ZC3H13: variants seen among roughly 807,000 people sequenced by gnomAD.
The protein encoded by ZC3H13 is zinc finger CCCH domain-containing protein 13.
In ZC3H13, 64 loss-of-function variants were observed where a neutral mutation model predicts 204.1. The ratio of observed to expected loss-of-function variants is 0.31; its 90% CI spans 0.26 to 0.39. The LOEUF is 0.39. Among genes scored for constraint, ZC3H13 ranks in the 10% least tolerant of loss-of-function variants. The probability of loss-of-function intolerance (pLI) is 1.00; values close to 1 mark genes in which losing one functional copy is unlikely to be tolerated. For missense variants in ZC3H13, 1,833 were observed against 2,082.7 expected, an observed-to-expected ratio of 0.88 and a Z score of 2.33; for synonymous variants, 667 against 693.7, an observed-to-expected ratio of 0.96 and a Z score of 0.60.
At chr13:46,016,451 T>C (rs979543292) in intron 5 of ZC3H13, among the ~76,000 whole-genome samples, 16 of 152,104 alleles carry the variant, frequency 1.1e-4, no homozygotes, top group African/African-American at 3.9e-4. Context: ...TCTCAGATAA[T>C]ACTGTTAACA....
chr13:46,022,862 T>C (rs2042301533), intron 4 of ZC3H13, among the ~76,000 whole-genome samples: 1 of 151,906 alleles, frequency 6.6e-6, no homozygotes, highest in African/African-American at 2.4e-5. Flanking sequence ...TGTAATTAAA[T>C]TTATTTCAAT....
Position 45,988,875 on chromosome 13 carries a change from T to C in ZC3H13, c.1167A>G (p.Pro389=), listed in dbSNP as rs1477908394. The C allele has an allele frequency of 6.2e-7, 1 of 1,614,092 alleles. No homozygotes were observed. Among genetic ancestry groups the C allele is most frequent in the Non-Finnish European group, 8.5e-7 (1 of 1,180,046 alleles). ...LSSPQRKQSP[P]RHRSPMREKG... Reference sequence around the variant, plus strand: ...TCTCTCGCATTGGAGAGCGATGTCTTGGAGGACTCTGCTTTCTCTGGGGAG... The same window carrying C: ...TCTCTCGCATTGGAGAGCGATGTCTCGGAGGACTCTGCTTTCTCTGGGGAG... Residue 389 remains proline, a synonymous_variant, in exon 9 of 19, where the codon CCA becomes CCG. Coordinates refer to ENST00000679008, the MANE Select transcript of ZC3H13 (RefSeq NM_001330564.2).
At chr13:46,031,840 T>TA (rs1273114865) in intron 4 of ZC3H13, among the ~76,000 whole-genome samples, 3 of 152,214 alleles carry the variant, frequency 2.0e-5, no homozygotes, top group African/African-American at 7.2e-5. Flanking sequence ...TACAAAATGA[T>TA]ACAGTCACTT....
rs758109780 is a variant in ZC3H13, at chr13:45,967,826, G to C, written c.3999C>G (p.Arg1333=). 7.4e-6 allele frequency: 12 copies of C among 1,613,444 alleles called. No homozygotes were observed. In the East Asian group the frequency reaches 2.5e-4, roughly 33 times the overall value. Residue 1333 remains arginine (R), a synonymous_variant, in exon 15 of 19, where the codon CGC becomes CGG. Transcript: ENST00000679008. ...CTCGCAATCTATCTCGATCCCTGTT[G>C]CGTGGCCAATCTTTATCAGCATCTC... ...WDRDADKDWP[R]NRDRDRLRER...
At chr13:46,008,082 A>G (rs969662567) in intron 7 of ZC3H13, among the ~76,000 whole-genome samples, 14 of 152,118 alleles carry the variant, frequency 9.2e-5, no homozygotes, top group Non-Finnish European at 1.8e-4. Flanking sequence ...ATTTGTCAGT[A>G]ATTATATCTT....
In ZC3H13 at chr13:45,968,700, T is replaced by C. The variant is rs767264531; in HGVS notation, c.3796+48A>G. ...CTTTAGAATTAAAATGTGTATAAAATATACTAACCTAGGAAACAGTGACTA... is the reference window on the plus strand; with the variant it reads ...CTTTAGAATTAAAATGTGTATAAAACATACTAACCTAGGAAACAGTGACTA... On this transcript the variant is annotated intron_variant, in intron 14 of 18. Transcript: ENST00000679008. 9 of 1,518,032 alleles carry C rather than the reference T, an allele frequency of 5.9e-6. No individual in the cohort carries two copies. The Admixed American group carries it at 6.9e-5, about 12-fold the overall frequency. The allele number at this position is 1,518,032 out of a possible 1,614,324, so 94.0% of individuals were successfully genotyped here.
chr13:46,005,572 C>G (rs997446188), intron 7 of ZC3H13, among the ~76,000 whole-genome samples: 24 of 152,242 alleles, frequency 1.6e-4, no homozygotes, highest in African/African-American at 5.3e-4. Context: ...TCACTGCAGC[C>G]TCGACCCCCA....
At position 45,957,254 on chromosome 13, in the gene ZC3H13, T is replaced by C. The variant is rs2137683492; in HGVS notation, c.4883A>G (p.Asn1628Ser). 1.9e-6 allele frequency: 3 copies of C among 1,547,870 alleles called. No individual in the cohort carries two copies. Among genetic ancestry groups the C allele is most frequent in the South Asian group, 2.4e-5 (2 of 83,350 alleles). The part of the protein sequence containing the change: ...QAYTSAPMVD[N>S]ELLRLSLRLF... ...CCGAAGACTCAATCGAAGTAATTCA[T>C]TGTCTACCATTGGAGCACTCGTGTA... Residue 1628 changes from asparagine to serine, a missense_variant, in exon 19 of 19, where the codon AAT becomes AGT. Physicochemically the swap from Asn to Ser is conservative, Grantham distance 46 (BLOSUM62 1). Coordinates refer to ENST00000679008, the MANE Select transcript of ZC3H13 (RefSeq NM_001330564.2).
intron 14 of ZC3H13, 59 bp from the exon 15 acceptor site, chr13:45,968,087 T>C (rs1952246116): frequency 1.3e-6 from 2 of 1,485,120 alleles, no homozygotes; most frequent in Non-Finnish European, 9.0e-7. Context: ...AGAAACAAAA[T>C]GCTTCATTTC....
chr13:46,025,312 G>C (rs2042477054), intron 4 of ZC3H13, among the ~76,000 whole-genome samples: 1 of 151,494 alleles, frequency 6.6e-6, no homozygotes, highest in East Asian at 1.9e-4. Flanking sequence ...CCCATCTATC[G>C]ATCTATCTAC....
chr13:45,957,609 T>C (rs1951355932), intron 18 of ZC3H13, among the ~76,000 whole-genome samples: 1 of 152,198 alleles, frequency 6.6e-6, no homozygotes, highest in Non-Finnish European at 1.5e-5. Context: ...AAAAACACAC[T>C]GCACGTTCTG....
In ZC3H13 at chr13:45,965,368, G is replaced by A. The variant is rs769406437; in HGVS notation, c.4386C>T (p.Tyr1462=). Reference sequence around the variant, plus strand: ...CTAGTTCGTCATCACTGATTGGCTCGTATCCTTCTCCAGCACCAGAGCCTA... The same window carrying A: ...CTAGTTCGTCATCACTGATTGGCTCATATCCTTCTCCAGCACCAGAGCCTA... ...HSLGSGAGEG[Y]EPISDDELDE... Residue 1462 remains tyrosine (Y), a synonymous_variant, in exon 16 of 19, where the codon TAC becomes TAT. Coordinates refer to ENST00000679008, the MANE Select transcript of ZC3H13 (RefSeq NM_001330564.2). The A allele has an allele frequency of 1.4e-5, 22 of 1,613,286 alleles. No individual in the cohort carries two copies. Among genetic ancestry groups the A allele is most frequent in the Middle Eastern group, 1.6e-4 (1 of 6,080 alleles).
chr13:45,969,166 GGCA>G lies in ZC3H13; in HGVS notation c.3375_3377del (p.Ala1127del). On this transcript the variant is annotated inframe_deletion, in exon 14 of 19. Coordinates refer to ENST00000679008, the MANE Select transcript of ZC3H13 (RefSeq NM_001330564.2). ...TGGCAGATGTGCTGAAAGAGGTGGC[GGCA>G]GCAGCAGTAGTGGCAGCAAGAGTTG... 1 of 1,614,088 alleles carries G rather than the reference GGCA, an allele frequency of 6.2e-7. No homozygotes were observed. The highest frequency in any genetic ancestry group is 8.5e-7 in the Non-Finnish European group (1 of 1,180,006).
chr13:45,987,860 C>A (rs2039661114), intron 9 of ZC3H13, among the ~76,000 whole-genome samples: 1 of 152,038 alleles, frequency 6.6e-6, no homozygotes, highest in Non-Finnish European at 1.5e-5. Context: ...GAAGCTTAGA[C>A]AAGAAGTAAA....
intron 8 of ZC3H13, among the ~76,000 whole-genome samples, chr13:45,995,424 CT>C (rs1410281339): frequency 2.0e-5 from 3 of 152,142 alleles, no homozygotes; most frequent in Non-Finnish European, 2.9e-5. Flanking sequence ...TGAAAGGCTT[CT>C]TTTTTATCCC....
At chr13:45,979,605 C>A (rs1953370286) in intron 11 of ZC3H13, among the ~76,000 whole-genome samples, 1 of 152,052 alleles carries the variant, frequency 6.6e-6, no homozygotes, top group South Asian at 2.1e-4. Context: ...ACTTTGTTGC[C>A]AGTAGGTACT....
At chr13:46,042,810 T>C (rs1566359588) in intron 3 of ZC3H13, among the ~76,000 whole-genome samples, 2 of 152,030 alleles carry the variant, frequency 1.3e-5, no homozygotes. Flanking sequence ...GAAAATATTT[T>C]ATGTACCTTA....
chr13:46,046,191 GAA>G (rs1476036200), intron 1 of ZC3H13, among the ~76,000 whole-genome samples: 1 of 152,050 alleles, frequency 6.6e-6, no homozygotes, highest in African/African-American at 2.4e-5. Context: ...TGTAGAACTA[GAA>G]AAAGTCGAGG....
chr13:45,964,946 T>A (rs1404336878), intron 16 of ZC3H13, among the ~76,000 whole-genome samples: 2 of 152,238 alleles, frequency 1.3e-5, no homozygotes, highest in African/African-American at 4.8e-5. Context: ...TGAAGCTTTG[T>A]ACCATATAAC....
Sources: allele counts gnomAD v4.1 joint callset (sites outside exome capture counted in the v4.1 genomes callset), GRCh38; gene constraint gnomAD v4.1.1; transcripts MANE v1.5; gene names NCBI Gene and HGNC (gene_info 2026-07-23, HGNC 2026-07-21).